IFT80: variants seen among roughly 807,000 people sequenced by gnomAD.
IFT80 encodes the protein intraflagellar transport protein 80 homolog.
A neutral mutation model predicts 107.9 loss-of-function variants in IFT80; 79 were observed. The ratio of observed to expected loss-of-function variants is 0.73; its 90% confidence interval spans 0.61 to 0.88. The LOEUF (loss-of-function observed/expected upper bound fraction) is 0.88. Among genes scored for constraint, IFT80 ranks in the 40% least tolerant of loss-of-function variants. The pLI is 0.00. For synonymous variants in IFT80, 299 were observed against 300.9 expected, an observed-to-expected ratio of 0.99 and a Z score of 0.07; for missense variants, 797 against 914.2, an observed-to-expected ratio of 0.87 and a Z score of 1.65.
At position 160,281,798 on chromosome 3, in the gene IFT80, T is replaced by C. The variant is rs1463304689; in HGVS notation, c.1516+680A>G. Among the ~76,000 whole-genome samples the C allele has an allele frequency of 2.6e-5, 4 of 152,282 alleles. No individual in the cohort carries two copies. The East Asian group carries it at 5.8e-4, about 22-fold the overall frequency. On this transcript the variant is annotated intron_variant, in intron 14 of 19. Transcript: ENST00000326448. ...CTGTGCATGTGGCCCCTCCCAGGTG[T>C]TGGCAGGCCACTATGCATGTGGACA...
intron 18 of IFT80, among the ~76,000 whole-genome samples, chr3:160,276,146 G>A (rs1714249546): frequency 6.6e-6 from 1 of 152,066 alleles, no homozygotes; most frequent in Non-Finnish European, 1.5e-5. Context: ...GGGATTACAA[G>A]CATGTGAGCC....
chr3:160,300,764 A>G (rs1204764355), intron 12 of IFT80, 119 bp downstream of exon 12: 1 of 767,930 alleles, frequency 1.3e-6, no homozygotes, highest in Non-Finnish European at 2.0e-6. Flanking sequence ...GAAAGCTCAT[A>G]ATTCTTTTTC....
chr3:160,313,074 A>AT (rs1231715335), intron 9 of IFT80, among the ~76,000 whole-genome samples: 1 of 106,530 alleles, frequency 9.4e-6, no homozygotes, highest in Admixed American at 1.6e-4. Context: ...TATTATATAT[A>AT]TTTTATATAA....
At chr3:160,344,855 T>C (rs552929475) in intron 8 of IFT80, among the ~76,000 whole-genome samples, 6 of 152,262 alleles carry the variant, frequency 3.9e-5, no homozygotes, top group South Asian at 2.1e-4. Flanking sequence ...CTCAATATCA[T>C]TGAGCATCAG....
chr3:160,316,373 T>A (rs1717820713), intron 9 of IFT80, among the ~76,000 whole-genome samples: 1 of 152,208 alleles, frequency 6.6e-6, no homozygotes, highest in African/African-American at 2.4e-5. Context: ...AAAGTCCTGG[T>A]CAATGCCTTG....
At chr3:160,311,227 A>ACCCTC (rs1352372812) in intron 9 of IFT80, among the ~76,000 whole-genome samples, 4 of 152,264 alleles carry the variant, frequency 2.6e-5, no homozygotes, top group African/African-American at 9.6e-5. Flanking sequence ...CAACAGAATA[A>ACCCTC]CCTGTTCCTT....
chr3:160,297,585 G>A (rs951337368), intron 12 of IFT80, among the ~76,000 whole-genome samples: 5 of 151,702 alleles, frequency 3.3e-5, no homozygotes, highest in South Asian at 2.1e-4. Flanking sequence ...GAAAAATCAC[G>A]TTGCAACATT....
rs570216554 is a variant in IFT80, at chr3:160,307,335, GA to G, written c.1076+327del. On this transcript the variant is annotated intron_variant, in intron 10 of 19. Transcript: ENST00000326448. ...GCTAATTCAAAAAATTTTTTGTAGAGATGCGGTCTCACTGTGTTGCTTATGC... is the reference window on the plus strand; with the variant it reads ...GCTAATTCAAAAAATTTTTTGTAGAGTGCGGTCTCACTGTGTTGCTTATGC... 2.5e-3 allele frequency among the ~76,000 whole-genome samples: 384 copies of G among 152,216 alleles called. 2 individuals carry two copies. Among genetic ancestry groups the G allele is most frequent in the Non-Finnish European group, 2.0e-3 (137 of 68,014 alleles).
chr3:160,265,139 G>A (rs1170109258), intron 19 of IFT80, among the ~76,000 whole-genome samples: 1 of 152,218 alleles, frequency 6.6e-6, no homozygotes, highest in Non-Finnish European at 1.5e-5. Context: ...GCCAGGGCCA[G>A]TGTCTGTCAC....
At chr3:160,367,029 T>C (rs964753222) in intron 5 of IFT80, among the ~76,000 whole-genome samples, 1 of 152,256 alleles carries the variant, frequency 6.6e-6, no homozygotes, top group East Asian at 1.9e-4. Context: ...ATGCAATGTT[T>C]GTCTTTCTGT....
rs1269497069 is a variant in IFT80 at position 160,319,946 on chromosome 3, G to C, written c.778-7C>G. On this transcript the variant is annotated splice_polypyrimidine_tract_variant and splice_region_variant and intron_variant, in intron 8 of 19. Coordinates refer to ENST00000326448, the MANE Select transcript of IFT80 (RefSeq NM_020800.3). Reference sequence around the variant, plus strand: ...TTTCTAATGCATATGACCACTGGGGGAGAAAAAACAAGAAAAAGATGGACT... The same window carrying C: ...TTTCTAATGCATATGACCACTGGGGCAGAAAAAACAAGAAAAAGATGGACT... The C allele has an allele frequency of 6.2e-7, 1 of 1,606,936 alleles. No homozygotes were observed. The highest frequency in any genetic ancestry group is 1.1e-5 in the South Asian group (1 of 90,296).
chr3:160,262,606 T>G (rs1712943873), intron 19 of IFT80, among the ~76,000 whole-genome samples: 1 of 152,130 alleles, frequency 6.6e-6, no homozygotes, highest in Non-Finnish European at 1.5e-5. Flanking sequence ...ATTACAGGGG[T>G]GAGCTACCAC....
chr3:160,376,032 T>C lies in IFT80; in HGVS notation c.371-152A>G, dbSNP rs764720202. The C allele has an allele frequency of 2.7e-4, 168 of 618,348 alleles. 1 individual carries two copies. The highest frequency in any genetic ancestry group is 4.2e-4 in the Non-Finnish European group (146 of 344,782). 38.3% of individuals were successfully genotyped at this position (618,348 alleles called of 1,614,324 possible). A position where few individuals can be genotyped will look rare whatever the true frequency, so the allele number is the denominator to read the frequency against. Reference sequence around the variant, plus strand: ...ATGGAATATTACTACATATTTAAAATTCAGAAACAGTTTAAATGACAGAGT... The same window carrying C: ...ATGGAATATTACTACATATTTAAAACTCAGAAACAGTTTAAATGACAGAGT... On this transcript the variant is annotated intron_variant, in intron 4 of 19. Coordinates refer to ENST00000326448, the MANE Select transcript of IFT80 (RefSeq NM_020800.3).
At chr3:160,312,398 G>A (rs1442030838) in intron 9 of IFT80, among the ~76,000 whole-genome samples, 2 of 149,972 alleles carry the variant, frequency 1.3e-5, no homozygotes, top group African/African-American at 4.9e-5. Context: ...CTAGTCCCTT[G>A]TCTCACTTCA....
At chr3:160,339,339 T>C (rs1226948338) in intron 8 of IFT80, among the ~76,000 whole-genome samples, 1 of 152,140 alleles carries the variant, frequency 6.6e-6, no homozygotes, top group African/African-American at 2.4e-5. Context: ...AATACCAAAA[T>C]GTAAAAAATG....
rs561471074 is a variant in IFT80 at position 160,372,991 on chromosome 3, C to T, written c.439+2821G>A. Among the ~76,000 whole-genome samples, 18 of 152,264 alleles carry T rather than the reference C, an allele frequency of 1.2e-4. No homozygotes were observed. The South Asian group carries it at 3.5e-3, about 30-fold the overall frequency. ...AATGAATCACAGACCAGAATGTAAA[C>T]ACTGAAATTTCACTGTAAGTGAAAT... On this transcript the variant is annotated intron_variant, in intron 5 of 19. Coordinates refer to ENST00000326448, the MANE Select transcript of IFT80 (RefSeq NM_020800.3).
intron 8 of IFT80, among the ~76,000 whole-genome samples, chr3:160,328,927 T>G (rs1393356686): frequency 3.3e-5 from 5 of 151,616 alleles, no homozygotes; most frequent in Non-Finnish European, 5.9e-5. Context: ...CTCTCATTCA[T>G]AAGAGGGAGA....
At chr3:160,298,153 C>T (rs1311027189) in intron 12 of IFT80, among the ~76,000 whole-genome samples, 3 of 152,086 alleles carry the variant, frequency 2.0e-5, no homozygotes, top group Non-Finnish European at 4.4e-5. Flanking sequence ...TATTATAATA[C>T]AGAGTACTAC....
chr3:160,388,170 G>T (rs1003129195), intron 1 of IFT80, among the ~76,000 whole-genome samples: 5 of 150,984 alleles, frequency 3.3e-5, no homozygotes. Context: ...GCAGATGACC[G>T]CATAAAAGCA....
Sources: gnomAD v4.1 joint callset for allele counts (sites outside exome capture counted in the v4.1 genomes callset) on GRCh38, gnomAD v4.1.1 for gene constraint, MANE v1.5 for transcripts, NCBI Gene and HGNC (gene_info 2026-07-23, HGNC 2026-07-21) for gene names.